The following SLC25A21 variants were observed in gnomAD, a reference collection of about 807,000 sequenced individuals.
SLC25A21 encodes the protein solute carrier family 25 member 21, also known as mitochondrial 2-oxodicarboxylate carrier.
A neutral mutation model predicts 43.8 loss-of-function variants in SLC25A21; 47 were observed. That is an observed-to-expected ratio of 1.07 (90% CI 0.85 to 1.37). The LOEUF (loss-of-function observed/expected upper bound fraction) is 1.37. Ranked by LOEUF, SLC25A21 falls within the 40% of genes most tolerant of loss-of-function variation. The pLI, the probability that SLC25A21 is intolerant of heterozygous loss-of-function variation, is 0.00. For synonymous variants in SLC25A21, 131 were observed against 121.3 expected (o/e 1.08, Z -0.52); for missense variants, 352 against 350.2 (o/e 1.00, Z -0.04).
chr14:36,732,289 G>A (rs1029375117), intron 4 of SLC25A21, among the ~76,000 whole-genome samples: 4 of 151,800 alleles, frequency 2.6e-5, no homozygotes, highest in Non-Finnish European at 1.5e-5. Flanking sequence ...AGCCTTCATA[G>A]TTTATAATCT....
At chr14:36,684,634 C>A in intron 8 of SLC25A21, 110 bp downstream of exon 8, 1 of 977,382 alleles carries the variant, frequency 1.0e-6, no homozygotes, top group Non-Finnish European at 1.5e-6. Context: ...TTCTTAGACA[C>A]AAGCTCCACT....
At chr14:36,958,177 C>G (rs113474288) in intron 1 of SLC25A21, among the ~76,000 whole-genome samples, 6 of 151,944 alleles carry the variant, frequency 3.9e-5, no homozygotes, top group African/African-American at 1.5e-4. Context: ...TGCCAACAAG[C>G]CTGCCACTGC....
At chr14:36,874,733 AT>A (rs1566697497) in intron 2 of SLC25A21, among the ~76,000 whole-genome samples, 1 of 152,240 alleles carries the variant, frequency 6.6e-6, no homozygotes, top group East Asian at 1.9e-4. Context: ...CGGTTGTCAT[AT>A]AAAGGCAGTA....
intron 3 of SLC25A21, among the ~76,000 whole-genome samples, chr14:36,760,488 A>G (rs1359113428): frequency 6.6e-6 from 1 of 152,142 alleles, no homozygotes; most frequent in Non-Finnish European, 1.5e-5. Context: ...CCTACTGACC[A>G]AGGCCTCTCA....
At chr14:37,003,226 A>G (rs1176624662) in intron 1 of SLC25A21, among the ~76,000 whole-genome samples, 1 of 152,234 alleles carries the variant, frequency 6.6e-6, no homozygotes, top group Non-Finnish European at 1.5e-5. Flanking sequence ...AATAAAAGCT[A>G]TGTGAATCCA....
At chr14:37,119,359 GC>G (rs1011138626) in intron 1 of SLC25A21, among the ~76,000 whole-genome samples, 4 of 152,106 alleles carry the variant, frequency 2.6e-5, no homozygotes, top group African/African-American at 9.7e-5. Context: ...GACCAGCCTG[GC>G]CAACATGGTG....
At chr14:36,829,360 G>A (rs1290677699) in intron 2 of SLC25A21, among the ~76,000 whole-genome samples, 1 of 152,134 alleles carries the variant, frequency 6.6e-6, no homozygotes, top group African/African-American at 2.4e-5. Flanking sequence ...TTATTCATCT[G>A]GTTCCTTCCC....
intron 1 of SLC25A21, among the ~76,000 whole-genome samples, chr14:37,100,319 A>T (rs1331188069): frequency 2.0e-5 from 3 of 151,784 alleles, no homozygotes; most frequent in Non-Finnish European, 2.9e-5. Flanking sequence ...CGGCCTCCCA[A>T]AGTGCTGGGA....
At position 36,834,563 on chromosome 14, in the gene SLC25A21, C is replaced by T. The variant is rs180762488; in HGVS notation, c.120-20562G>A. 3.0e-3 allele frequency among the ~76,000 whole-genome samples: 458 copies of T among 152,238 alleles called. 3 individuals are homozygous for T. The highest frequency in any genetic ancestry group is 9.6e-3 in the African/African-American group (397 of 41,538). ...AGTAAATATTGGCTTCCTTCCACAC[C>T]TTTCTCAATCCTGACCTCTCTCCCC... On this transcript the variant is annotated intron_variant, in intron 2 of 9. Coordinates refer to ENST00000331299, the MANE Select transcript of SLC25A21 (RefSeq NM_030631.4).
chr14:37,148,809 A>G (rs1474428418), intron 1 of SLC25A21, among the ~76,000 whole-genome samples: 1 of 152,228 alleles, frequency 6.6e-6, no homozygotes, highest in Non-Finnish European at 1.5e-5. Context: ...CTTTTAAACT[A>G]ATAACAAAAA....
chr14:36,687,943 G>T (rs138848287), intron 7 of SLC25A21, among the ~76,000 whole-genome samples: 1 of 152,228 alleles, frequency 6.6e-6, no homozygotes, highest in South Asian at 2.1e-4. Flanking sequence ...TCCTGGATGC[G>T]CAGAGAATAA....
intron 1 of SLC25A21, among the ~76,000 whole-genome samples, chr14:37,041,797 A>G (rs930536098): frequency 1.3e-5 from 2 of 152,226 alleles, no homozygotes; most frequent in Admixed American, 1.3e-4. Context: ...GACAAGGTGG[A>G]TACATTTTTG....
intron 7 of SLC25A21, among the ~76,000 whole-genome samples, chr14:36,705,097 T>A (rs1217606941): frequency 6.6e-6 from 1 of 152,106 alleles, no homozygotes; most frequent in African/African-American, 2.4e-5. Flanking sequence ...TCGCCCAGGC[T>A]GGGTGCAATC....
intron 1 of SLC25A21, among the ~76,000 whole-genome samples, chr14:36,897,282 ATTCAT>A (rs1891269055): frequency 6.6e-6 from 1 of 151,644 alleles, no homozygotes; most frequent in African/African-American, 2.4e-5. Context: ...GCTTCTTTTC[ATTCAT>A]TTCATCTTCC....
chr14:37,056,564 G>GAC (rs1199730489), intron 1 of SLC25A21, among the ~76,000 whole-genome samples: 1 of 151,460 alleles, frequency 6.6e-6, no homozygotes, highest in East Asian at 1.9e-4. Flanking sequence ...TACAGATGCA[G>GAC]ACACACACAT....
At chr14:36,847,375 C>T (rs1297469226) in intron 2 of SLC25A21, among the ~76,000 whole-genome samples, 1 of 152,208 alleles carries the variant, frequency 6.6e-6, no homozygotes, top group Admixed American at 6.5e-5. Flanking sequence ...TTGGCAGTTA[C>T]TGGCCCTAAC....
Position 36,695,662 on chromosome 14 carries a change from T to C in SLC25A21, c.604-10737A>G, listed in dbSNP as rs9796489. ...AGTTTGATTCCTAGGTATTTTATTC[T>C]CTTTGTAGCAATTGCAAATGGGAGT... On this transcript the variant is annotated intron_variant, in intron 7 of 9. Coordinates refer to ENST00000331299, the MANE Select transcript of SLC25A21 (RefSeq NM_030631.4). Among the ~76,000 whole-genome samples the C allele has an allele frequency of 0.025, 3,850 of 152,294 alleles. 262 individuals carry two copies. The East Asian group carries it at 0.29, about 11-fold the overall frequency.
intron 6 of SLC25A21, 40 bp from the exon 7 acceptor site, chr14:36,711,522 G>T (rs969200379): frequency 7.3e-5 from 117 of 1,597,312 alleles, no homozygotes; most frequent in Non-Finnish European, 9.4e-5. Context: ...ATCATCTTTG[G>T]GACTGTGGAA....
intron 1 of SLC25A21, among the ~76,000 whole-genome samples, chr14:37,029,492 T>A (rs1039917503): frequency 3.3e-5 from 5 of 152,170 alleles, no homozygotes; most frequent in Non-Finnish European, 7.3e-5. Flanking sequence ...ACTTAAACAG[T>A]GCATCTTTAA....
Sources: allele counts gnomAD v4.1 joint callset (sites outside exome capture counted in the v4.1 genomes callset), GRCh38; gene constraint gnomAD v4.1.1; transcripts MANE v1.5; gene names NCBI Gene and HGNC (gene_info 2026-07-23, HGNC 2026-07-21).